Variants in WASHC4 observed in about 807,000 individuals in gnomAD.
WASHC4 encodes the protein WASH complex subunit 4, also known as WASH complex subunit 7.
A neutral mutation model predicts 166.6 loss-of-function variants in WASHC4; 86 were observed. That is an observed-to-expected ratio of 0.52 (90% CI 0.43 to 0.62). The LOEUF is 0.62. WASHC4 is among the 20% of genes least tolerant of loss of function. WASHC4 has a pLI of 0.00. For missense variants in WASHC4, 1,262 were observed against 1,382.4 expected, an observed-to-expected ratio of 0.91 and a Z score of 1.38; for synonymous variants, 446 against 451.6, an observed-to-expected ratio of 0.99 and a Z score of 0.16.
chr12:105,143,116 T>C lies in WASHC4; in HGVS notation c.1894-11T>C. On this transcript the variant is annotated splice_polypyrimidine_tract_variant and intron_variant, in intron 19 of 32. Transcript: ENST00000332180. ...TTTCTAAATTCATGTACATTTTAATTTTCTTCTTAGTACATGTTCAGTGCT... is the reference window on the plus strand; with the variant it reads ...TTTCTAAATTCATGTACATTTTAATCTTCTTCTTAGTACATGTTCAGTGCT... The C allele has an allele frequency of 2.6e-6, 4 of 1,555,744 alleles. No individual in the cohort carries two copies. The highest frequency in any genetic ancestry group is 3.5e-6 in the Non-Finnish European group (4 of 1,127,710).
In WASHC4 at chr12:105,160,135, T is replaced by C. The variant is rs771098269; in HGVS notation, c.3047T>C (p.Ile1016Thr). 1 of 1,613,802 alleles carries C rather than the reference T, an allele frequency of 6.2e-7. No homozygotes were observed. Among genetic ancestry groups the C allele is most frequent in the South Asian group, 1.1e-5 (1 of 91,062 alleles). ...ATACATCTCCGAAATTTCTATATAA[T>C]TGTTCCCCCTCTGGTGAGTATTTCC... ...KNIHLRNFYI[I>T]VPPLTLNFVE... The change falls in exon 29 of 33, where the codon ATT becomes ACT. Residue 1016 changes from isoleucine to threonine, a missense_variant. Physicochemically the swap from Ile to Thr is moderately conservative, Grantham distance 89. Transcript: ENST00000332180.
chr12:105,142,336 G>T, intron 18 of WASHC4, 117 bp from the exon 19 acceptor site: 1 of 706,708 alleles, frequency 1.4e-6, no homozygotes, highest in Non-Finnish European at 2.6e-6. Flanking sequence ...GTTAAGTGAT[G>T]TAGGGAATGC....
In WASHC4 at chr12:105,122,205, AG is replaced by A; in HGVS notation, c.754del (p.Glu252LysfsTer8). Reference sequence around the variant, plus strand: ...CATTTGAAAAGTTCTTGCTGAAGCTAGAAGGGCAATTACTGGATGGAATGAT... The same window carrying A: ...CATTTGAAAAGTTCTTGCTGAAGCTAAAGGGCAATTACTGGATGGAATGAT... ...KPFEKFLLKLEGQLLDGMIFQ... is the reference protein window; with the variant it reads ...KPFEKFLLKLXGQLLDGMIFQ... On this transcript the variant is annotated frameshift_variant, in exon 10 of 33. Transcript: ENST00000332180. LOFTEE classifies it high-confidence loss of function. 2.5e-6 allele frequency: 4 copies of A among 1,613,008 alleles called. No individual in the cohort carries two copies. Among genetic ancestry groups the A allele is most frequent in the Non-Finnish European group, 3.4e-6 (4 of 1,179,558 alleles).
intron 14 of WASHC4, among the ~76,000 whole-genome samples, chr12:105,135,788 G>A (rs546054034): frequency 1.3e-5 from 2 of 152,008 alleles, no homozygotes; most frequent in East Asian, 3.9e-4. Context: ...TTGATTTTGT[G>A]TTTTATTTTC....
At chr12:105,112,129 A>G (rs1182926854) in intron 2 of WASHC4, among the ~76,000 whole-genome samples, 1 of 152,182 alleles carries the variant, frequency 6.6e-6, no homozygotes. Context: ...TCCTCTGTAC[A>G]CTTCATATAA....
At chr12:105,111,839 A>C (rs1879705577) in intron 2 of WASHC4, among the ~76,000 whole-genome samples, 1 of 152,174 alleles carries the variant, frequency 6.6e-6, no homozygotes, top group African/African-American at 2.4e-5. Flanking sequence ...GCACTTGTGT[A>C]TTACACACTG....
intron 15 of WASHC4, among the ~76,000 whole-genome samples, chr12:105,138,957 C>A (rs1882557908): frequency 6.6e-6 from 1 of 152,132 alleles, no homozygotes; most frequent in African/African-American, 2.4e-5. Flanking sequence ...CTAATTGCAT[C>A]TCAACCTGTC....
At chr12:105,132,397 G>C (rs1457278641) in intron 13 of WASHC4, among the ~76,000 whole-genome samples, 2 of 152,154 alleles carry the variant, frequency 1.3e-5, no homozygotes, top group Admixed American at 1.3e-4. Flanking sequence ...GTCACAAACT[G>C]CTGACCTCAG....
chr12:105,128,980 G>A (rs1196821), intron 13 of WASHC4, among the ~76,000 whole-genome samples: 73,199 of 143,690 alleles, frequency 0.51, 18,374 homozygotes, highest in Middle Eastern at 0.68. Context: ...GAGTCTCCCT[G>A]TGTCGCCCAG....
At chr12:105,125,699 A>T (rs1881218062) in intron 10 of WASHC4, among the ~76,000 whole-genome samples, 1 of 152,266 alleles carries the variant, frequency 6.6e-6, no homozygotes, top group South Asian at 2.1e-4. Flanking sequence ...AAAGTAAAAT[A>T]AAAAATATGC....
rs367981330 is a variant in WASHC4 at position 105,141,282 on chromosome 12, G to A, written c.1787+36G>A. ...CTGGGATATGCTGTGGTACTCCAAA[G>A]ACAGGGTTAATAGAAACATTGATTT... On this transcript the variant is annotated intron_variant, in intron 18 of 32. Transcript: ENST00000332180. The A allele has an allele frequency of 4.5e-6, 6 of 1,321,888 alleles. No homozygotes were observed. In the African/African-American group the frequency reaches 7.2e-5, roughly 16 times the overall value. The allele number at this position is 1,321,888 out of a possible 1,614,324, so 81.9% of individuals were successfully genotyped here.
rs182711801 is a variant in WASHC4, at chr12:105,164,086, A to C, written c.3158-25A>C. ...CCACTTCTGTACTCACTGTAATTTAACCTTAGTTTTGCTTATGCCTGCAGG... is the reference window on the plus strand; with the variant it reads ...CCACTTCTGTACTCACTGTAATTTACCCTTAGTTTTGCTTATGCCTGCAGG... On this transcript the variant is annotated intron_variant, in intron 30 of 32. Transcript: ENST00000332180. 4.8e-4 allele frequency: 776 copies of C among 1,609,342 alleles called. 1 individual carries two copies. In the African/African-American group the frequency reaches 9.1e-3, roughly 19 times the overall value.
chr12:105,154,879 T>C (rs1488736523), intron 26 of WASHC4, among the ~76,000 whole-genome samples: 2 of 152,204 alleles, frequency 1.3e-5, no homozygotes, highest in South Asian at 2.1e-4. Flanking sequence ...TCATTTGACT[T>C]TTTAAAGATG....
rs537409968 is a variant in WASHC4, at chr12:105,120,412, C to T, written c.519-143C>T. 77 of 599,878 alleles carry T rather than the reference C, an allele frequency of 1.3e-4. No homozygotes were observed. In the Middle Eastern group the frequency reaches 1.4e-3, roughly 11 times the overall value. The allele number at this position is 599,878 out of a possible 1,614,324, so 37.2% of individuals were successfully genotyped here. A position where few individuals can be genotyped will look rare whatever the true frequency, so the allele number is the denominator to read the frequency against. Reference sequence around the variant, plus strand: ...TCTCTTCTTGGGAAAGTGGACTTGACGCTCTTAAATTTTAAATAACTAGAG... The same window carrying T: ...TCTCTTCTTGGGAAAGTGGACTTGATGCTCTTAAATTTTAAATAACTAGAG... On this transcript the variant is annotated intron_variant, in intron 7 of 32. Transcript: ENST00000332180.
chr12:105,126,409 T>G (rs1213295466), intron 12 of WASHC4, 47 bp downstream of exon 12: 3 of 1,405,524 alleles, frequency 2.1e-6, no homozygotes, highest in African/African-American at 2.8e-5. Flanking sequence ...TTAAAAAGAT[T>G]GCAGATAAAA....
At chr12:105,133,683 C>G (rs554032514) in intron 13 of WASHC4, 87 bp from the exon 14 acceptor site, 2 of 1,097,630 alleles carry the variant, frequency 1.8e-6, no homozygotes, top group Non-Finnish European at 2.8e-6. Flanking sequence ...GAAATGACTG[C>G]TGCAGGGAAA....
intron 6 of WASHC4, 148 bp downstream of exon 6, chr12:105,115,876 G>C (rs139341991): frequency 1.6e-6 from 1 of 639,310 alleles, no homozygotes; most frequent in African/African-American, 1.8e-5. Context: ...TAGTTTAGGA[G>C]ATCATAACTC....
chr12:105,166,334 A>C (rs1884802108), intron 32 of WASHC4, among the ~76,000 whole-genome samples: 1 of 152,224 alleles, frequency 6.6e-6, no homozygotes, highest in East Asian at 1.9e-4. Context: ...TGTCAAAAAC[A>C]GTGAAAAGCT....
intron 15 of WASHC4, among the ~76,000 whole-genome samples, chr12:105,140,054 G>A (rs1882692073): frequency 6.6e-6 from 1 of 151,934 alleles, no homozygotes; most frequent in African/African-American, 2.4e-5. Context: ...GTATTTTTTA[G>A]TAGAGACAGG....
Sources: gnomAD v4.1 joint callset for allele counts (sites outside exome capture counted in the v4.1 genomes callset) on GRCh38, gnomAD v4.1.1 for gene constraint, MANE v1.5 for transcripts, NCBI Gene and HGNC (gene_info 2026-07-23, HGNC 2026-07-21) for gene names.